Variants in NDUFS4 observed in about 807,000 individuals in gnomAD.
NDUFS4 encodes the protein NADH dehydrogenase [ubiquinone] iron-sulfur protein 4, mitochondrial.
A neutral mutation model predicts 24.3 loss-of-function variants in NDUFS4; 28 were observed. That is an observed-to-expected ratio of 1.15 (90% CI 0.85 to 1.58). The LOEUF is 1.58. Among genes scored for constraint, NDUFS4 ranks in the 40% most tolerant of loss-of-function variants. The pLI, the probability that NDUFS4 is intolerant of heterozygous loss-of-function variation, is 0.00. For missense variants in NDUFS4, 223 were observed against 207.9 expected, an observed-to-expected ratio of 1.07 and a Z score of -0.45; for synonymous variants, 93 against 69.7, an observed-to-expected ratio of 1.34 and a Z score of -1.67.
intron 1 of NDUFS4, among the ~76,000 whole-genome samples, chr5:53,597,283 CAGAT>C (rs1337203267): frequency 6.6e-6 from 1 of 152,122 alleles, no homozygotes; most frequent in Non-Finnish European, 1.5e-5. Flanking sequence ...GGAGTGAAAA[CAGAT>C]AGTTTCTTAA....
intron 4 of NDUFS4, among the ~76,000 whole-genome samples, chr5:53,667,207 T>G (rs194364): frequency 0.2 from 30,919 of 151,762 alleles, 3,663 homozygotes; most frequent in East Asian, 0.46. Flanking sequence ...GGCTCACGCC[T>G]GTAATCCCAG....
chr5:53,614,158 A>AG (rs1439791375), intron 2 of NDUFS4, among the ~76,000 whole-genome samples: 2 of 151,972 alleles, frequency 1.3e-5, no homozygotes, highest in East Asian at 3.9e-4. Context: ...AACCTGTTAT[A>AG]TTTAACTATG....
At chr5:53,664,312 G>A (rs1327962662) in intron 4 of NDUFS4, among the ~76,000 whole-genome samples, 2 of 152,050 alleles carry the variant, frequency 1.3e-5, no homozygotes, top group Non-Finnish European at 2.9e-5. Context: ...ATGTGTCTTG[G>A]AGTTGCTCTT....
At chr5:53,664,707 T>C (rs1053282240) in intron 4 of NDUFS4, among the ~76,000 whole-genome samples, 20 of 152,186 alleles carry the variant, frequency 1.3e-4, no homozygotes, top group Non-Finnish European at 2.4e-4. Flanking sequence ...CTTCTCTGCA[T>C]TGGTTATTCT....
intron 2 of NDUFS4, among the ~76,000 whole-genome samples, chr5:53,641,206 A>T (rs1312957232): frequency 6.6e-6 from 1 of 152,154 alleles, no homozygotes; most frequent in African/African-American, 2.4e-5. Context: ...ATGATGAAAA[A>T]GGAGTCTATT....
intron 4 of NDUFS4, among the ~76,000 whole-genome samples, chr5:53,674,349 TC>T (rs560835738): frequency 6.8e-4 from 104 of 152,288 alleles, no homozygotes; most frequent in Middle Eastern, 3.4e-3. Flanking sequence ...TATGACTTCT[TC>T]CACGGGAAGG....
intron 2 of NDUFS4, among the ~76,000 whole-genome samples, chr5:53,606,492 G>A (rs1192150123): frequency 6.6e-6 from 1 of 151,988 alleles, no homozygotes; most frequent in Non-Finnish European, 1.5e-5. Flanking sequence ...TCAGCCTCCC[G>A]AGTACCTAGG....
rs1160975769 is a variant in NDUFS4 at position 53,658,577 on chromosome 5, T to C, written c.377T>C (p.Leu126Pro). The C allele has an allele frequency of 4.2e-5, 67 of 1,613,386 alleles. No individual in the cohort carries two copies. Among genetic ancestry groups the C allele is most frequent in the Non-Finnish European group, 5.4e-5 (64 of 1,179,638 alleles). ...GCTGATCCCTTATCCAACATGGTTC[T>C]AACCTTCAGTACTAAAGAAGATGCA... ...STADPLSNMVLTFSTKEDAVS... is the reference protein window; with the variant it reads ...STADPLSNMVPTFSTKEDAVS... Residue 126 changes from leucine to proline, a missense_variant, in exon 4 of 5, where the codon CTA becomes CCA. Physicochemically the swap from Leu to Pro is moderately conservative, Grantham distance 98. Transcript: ENST00000296684.
Position 53,631,108 on chromosome 5 carries a change from G to A in NDUFS4, c.178-15125G>A, listed in dbSNP as rs187885121. On this transcript the variant is annotated intron_variant, in intron 2 of 4. Coordinates refer to ENST00000296684, the MANE Select transcript of NDUFS4 (RefSeq NM_002495.4). ...GTTGATGTTGATGGTATTCCTTTCT[G>A]TTTGTTAGTTTTCCTTCTAACAGTC... Among the ~76,000 whole-genome samples the A allele has an allele frequency of 1.6e-3, 246 of 152,268 alleles. 4 individuals are homozygous for A. The highest frequency in any genetic ancestry group is 5.8e-3 in the African/African-American group (243 of 41,546).
chr5:53,572,986 AAG>A (rs1749265202), intron 1 of NDUFS4, among the ~76,000 whole-genome samples: 1 of 94,032 alleles, frequency 1.1e-5, no homozygotes, highest in African/African-American at 4.4e-5. Context: ...TTTTTTTTTT[AAG>A]AGACCAGGTC....
chr5:53,671,095 G>C (rs940279339), intron 4 of NDUFS4, among the ~76,000 whole-genome samples: 2 of 151,864 alleles, frequency 1.3e-5, no homozygotes, highest in African/African-American at 4.8e-5. Flanking sequence ...GTATAGGGAC[G>C]TACTATATAC....
intron 1 of NDUFS4, among the ~76,000 whole-genome samples, chr5:53,565,325 G>A (rs984542737): frequency 1.3e-5 from 2 of 152,208 alleles, no homozygotes; most frequent in African/African-American, 4.8e-5. Flanking sequence ...AACAACCTAT[G>A]CTGACTCTAT....
intron 1 of NDUFS4, among the ~76,000 whole-genome samples, chr5:53,583,636 T>C (rs943230969): frequency 1.6e-4 from 24 of 152,254 alleles, no homozygotes; most frequent in South Asian, 1.0e-3. Flanking sequence ...CAATTCTATG[T>C]ATTTTGGAAA....
chr5:53,577,183 C>T (rs2112422350), intron 1 of NDUFS4, among the ~76,000 whole-genome samples: 1 of 152,210 alleles, frequency 6.6e-6, no homozygotes, highest in East Asian at 1.9e-4. Context: ...ACCTCCTGAG[C>T]AGTGTGTAGA....
At position 53,675,275 on chromosome 5, in the gene NDUFS4, G is replaced by A. The variant is rs1250021498; in HGVS notation, c.425-7843G>A. Among the ~76,000 whole-genome samples, 5 of 146,134 alleles carry A rather than the reference G, an allele frequency of 3.4e-5. No homozygotes were observed. In the East Asian group the frequency reaches 1.1e-3, roughly 31 times the overall value. On this transcript the variant is annotated intron_variant, in intron 4 of 4. Coordinates refer to ENST00000296684, the MANE Select transcript of NDUFS4 (RefSeq NM_002495.4). ...CCTCCCGGGTTCATGCCATTCTCCA[G>A]CCTCAGCCTCCCGAGGAGCTGGGAC...
chr5:53,605,708 C>T (rs1027848402), intron 2 of NDUFS4, among the ~76,000 whole-genome samples: 8 of 152,184 alleles, frequency 5.3e-5, no homozygotes, highest in Non-Finnish European at 1.0e-4. Context: ...AGACTGTTCT[C>T]ATATTGTTAT....
intron 3 of NDUFS4, among the ~76,000 whole-genome samples, chr5:53,651,610 G>C (rs910215448): frequency 1.3e-5 from 2 of 151,798 alleles, no homozygotes; most frequent in Non-Finnish European, 1.5e-5. Context: ...GTATTTAATG[G>C]AGCAAAGAGA....
At chr5:53,575,680 T>A (rs548503936) in intron 1 of NDUFS4, among the ~76,000 whole-genome samples, 1 of 106,466 alleles carries the variant, frequency 9.4e-6, no homozygotes, top group Admixed American at 8.9e-5. Context: ...TAGCTGGAAT[T>A]GCAGGTGTGC....
intron 1 of NDUFS4, 98 bp downstream of exon 1, chr5:53,560,858 G>A (rs1317157580): frequency 1.3e-5 from 20 of 1,583,850 alleles, no homozygotes; most frequent in East Asian, 2.3e-5. Flanking sequence ...CGGGGAAGGC[G>A]TCCTCTGTTG....
Sources: allele counts gnomAD v4.1 joint callset (sites outside exome capture counted in the v4.1 genomes callset), GRCh38; gene constraint gnomAD v4.1.1; transcripts MANE v1.5; gene names NCBI Gene and HGNC (gene_info 2026-07-23, HGNC 2026-07-21).